The following GRAMD1B variants were observed in gnomAD, a reference collection of about 807,000 sequenced individuals.
GRAMD1B encodes the protein protein Aster-B.
A neutral mutation model predicts 99.7 loss-of-function variants in GRAMD1B; 37 were observed. That is an observed-to-expected ratio of 0.37 (90% CI 0.29 to 0.49). The LOEUF (loss-of-function observed/expected upper bound fraction) is 0.49. Among genes scored for constraint, GRAMD1B ranks in the 20% least tolerant of loss-of-function variants. GRAMD1B has a pLI of 0.98. For missense variants in GRAMD1B, 888 were observed against 1,009.2 expected, an observed-to-expected ratio of 0.88 and a Z score of 1.63; for synonymous variants, 427 against 387.6, an observed-to-expected ratio of 1.10 and a Z score of -1.19.
upstream of GRAMD1B, chr11:123,430,227 C>T (rs1948804070): frequency 6.6e-6 from 1 of 150,702 alleles, no homozygotes; most frequent in South Asian, 2.1e-4. Context: ...CGCTCCTCCT[C>T]CTCCTTTTTT....
chr11:123,551,979 T>C (rs985876077), intron 2 of GRAMD1B, among the ~76,000 whole-genome samples: 4 of 152,226 alleles, frequency 2.6e-5, no homozygotes, highest in Non-Finnish European at 5.9e-5. Flanking sequence ...CTACAGATTA[T>C]TTAATTTATC....
intron 16 of GRAMD1B, among the ~76,000 whole-genome samples, chr11:123,614,272 CG>C (rs754564155): frequency 3.6e-4 from 55 of 152,118 alleles, no homozygotes; most frequent in Non-Finnish European, 7.2e-4. Context: ...TTCTGCATGC[CG>C]CCTAGCTTTA....
At chr11:123,588,509 T>C (rs1950290697) in intron 4 of GRAMD1B, among the ~76,000 whole-genome samples, 1 of 152,188 alleles carries the variant, frequency 6.6e-6, no homozygotes, top group South Asian at 2.1e-4. Flanking sequence ...GGGTAGTTAC[T>C]GTAAGGATCC....
intron 1 of GRAMD1B, among the ~76,000 whole-genome samples, chr11:123,457,116 A>AAGAAAG (rs1555124270): frequency 7.1e-6 from 1 of 141,088 alleles, no homozygotes; most frequent in Non-Finnish European, 1.6e-5. Flanking sequence ...TTTCTGAGAA[A>AAGAAAG]AAAAGAAAGA....
chr11:123,590,509 G>T (rs534751903), intron 4 of GRAMD1B, among the ~76,000 whole-genome samples: 1 of 152,194 alleles, frequency 6.6e-6, no homozygotes, highest in African/African-American at 2.4e-5. Context: ...GGGGTTACTG[G>T]AGGACATTGG....
At chr11:123,590,575 C>T (rs1950545858) in intron 4 of GRAMD1B, among the ~76,000 whole-genome samples, 1 of 152,172 alleles carries the variant, frequency 6.6e-6, no homozygotes, top group Admixed American at 6.5e-5. Flanking sequence ...CCAGCTCTTC[C>T]CACCCACCTG....
intron 1 of GRAMD1B, among the ~76,000 whole-genome samples, chr11:123,389,285 G>A (rs1410007223): frequency 1.8e-4 from 27 of 151,846 alleles, no homozygotes; most frequent in Non-Finnish European, 2.9e-5. Context: ...TTGGGAGGCT[G>A]AAGTAGGAGA....
At chr11:123,589,235 T>C (rs1372779999) in intron 4 of GRAMD1B, among the ~76,000 whole-genome samples, 1 of 151,676 alleles carries the variant, frequency 6.6e-6, no homozygotes, top group African/African-American at 2.4e-5. Context: ...GATATGAACC[T>C]GTTTGAGGCA....
At chr11:123,609,445 A>G (rs532331268) in intron 12 of GRAMD1B, among the ~76,000 whole-genome samples, 1 of 152,164 alleles carries the variant, frequency 6.6e-6, no homozygotes, top group East Asian at 1.9e-4. Context: ...CGGGGAGGTC[A>G]TGGCTTAGAG....
chr11:123,535,855 A>G (rs1591867469), intron 2 of GRAMD1B, among the ~76,000 whole-genome samples: 1 of 152,214 alleles, frequency 6.6e-6, no homozygotes, highest in African/African-American at 2.4e-5. Flanking sequence ...GACAAGCCCC[A>G]GAGAATGGAA....
At chr11:123,438,029 T>C (rs552051477) in intron 1 of GRAMD1B, among the ~76,000 whole-genome samples, 27 of 152,322 alleles carry the variant, frequency 1.8e-4, no homozygotes, top group Non-Finnish European at 1.9e-4. Context: ...AGGAGACCTA[T>C]GATTGGTCAG....
chr11:123,590,797 T>C (rs1325577035), intron 4 of GRAMD1B, among the ~76,000 whole-genome samples: 2 of 152,122 alleles, frequency 1.3e-5, no homozygotes, highest in Non-Finnish European at 2.9e-5. Context: ...AGAGGTTGAT[T>C]AAACGTGCCA....
At chr11:123,602,491 C>T (rs1031180141) in intron 8 of GRAMD1B, among the ~76,000 whole-genome samples, 11 of 152,060 alleles carry the variant, frequency 7.2e-5, no homozygotes, top group Middle Eastern at 3.4e-3. Context: ...GGAAGTCTAT[C>T]GGTGCAAACA....
At chr11:123,362,092 C>A (rs776487012) in intron 1 of GRAMD1B, among the ~76,000 whole-genome samples, 1 of 152,224 alleles carries the variant, frequency 6.6e-6, no homozygotes, top group Non-Finnish European at 1.5e-5. Context: ...TGTTAACCAT[C>A]TTTCCTCTTA....
At chr11:123,465,906 A>G (rs1950635589) in intron 1 of GRAMD1B, among the ~76,000 whole-genome samples, 1 of 152,138 alleles carries the variant, frequency 6.6e-6, no homozygotes, top group African/African-American at 2.4e-5. Flanking sequence ...GAGGAAATGG[A>G]TGGAGAAAAT....
intron 1 of GRAMD1B, among the ~76,000 whole-genome samples, chr11:123,422,184 G>T (rs1232672725): frequency 1.3e-5 from 2 of 152,206 alleles, no homozygotes; most frequent in African/African-American, 4.8e-5. Context: ...ACAAGCAGGG[G>T]TGCTTGCCAC....
rs1307248266 is a variant in GRAMD1B, at chr11:123,605,416, C to T, written c.1261C>T (p.Pro421Ser). 5 of 1,613,354 alleles carry T rather than the reference C, an allele frequency of 3.1e-6. No homozygotes were observed. The highest frequency in any genetic ancestry group is 4.2e-6 in the Non-Finnish European group (5 of 1,179,622). ...ETKPDASPQL[P>S]KKSITNSTLT... ...CAAGCCAGATGCCAGTCCACAGCTG[C>T]CCAAGAAATCCATCACCAACAGCAC... The change falls in exon 10 of 20, where the codon CCC becomes TCC. Residue 421 changes from proline to serine, a missense_variant. By Grantham distance (74) the Pro-to-Ser change is moderately conservative. Transcript: ENST00000635736.
At chr11:123,544,953 C>A (rs888574065) in intron 2 of GRAMD1B, among the ~76,000 whole-genome samples, 1 of 152,206 alleles carries the variant, frequency 6.6e-6, no homozygotes, top group Non-Finnish European at 1.5e-5. Context: ...GGGGCCAGAC[C>A]GCCTAGTCTC....
chr11:123,517,557 A>C (rs1941789555), intron 2 of GRAMD1B, among the ~76,000 whole-genome samples: 1 of 152,172 alleles, frequency 6.6e-6, no homozygotes, highest in South Asian at 2.1e-4. Flanking sequence ...GAAATGGAGT[A>C]AGTTGCTCAA....
Sources: allele counts gnomAD v4.1 joint callset (sites outside exome capture counted in the v4.1 genomes callset), GRCh38; gene constraint gnomAD v4.1.1; transcripts MANE v1.5; gene names NCBI Gene and HGNC (gene_info 2026-07-23, HGNC 2026-07-21).